The following RBFOX1 variants were observed in gnomAD, a reference collection of about 807,000 sequenced individuals.
RBFOX1 encodes RNA binding protein fox-1 homolog 1.
In RBFOX1, 8 loss-of-function variants were observed where a neutral mutation model predicts 57.7. That is an observed-to-expected ratio of 0.14 (90% CI 0.08 to 0.25). The LOEUF (loss-of-function observed/expected upper bound fraction) is 0.25, where lower values mean the gene tolerates loss of function less well. Ranked by LOEUF, RBFOX1 falls within the 10% of genes least tolerant of loss-of-function variation. The pLI, the probability that RBFOX1 is intolerant of heterozygous loss-of-function variation, is 1.00. For synonymous variants in RBFOX1, 326 were observed against 222.4 expected (o/e 1.47, Z -4.15); for missense variants, 611 against 548.5 (o/e 1.11, Z -1.14).
chr16:5,799,190 T>G (rs112625409), intron 3 of RBFOX1, among the ~76,000 whole-genome samples: 1 of 152,046 alleles, frequency 6.6e-6, no homozygotes, highest in Admixed American at 6.6e-5. Flanking sequence ...AAACCCCTTA[T>G]AAAACCATCA....
chr16:7,113,962 C>A (rs944473421), intron 4 of RBFOX1, among the ~76,000 whole-genome samples: 1 of 152,070 alleles, frequency 6.6e-6, no homozygotes, highest in African/African-American at 2.4e-5. Context: ...TAAAAAAAAT[C>A]ACTTGTGCCT....
At chr16:5,517,863 C>A (rs960770231) in intron 2 of RBFOX1, among the ~76,000 whole-genome samples, 1 of 151,640 alleles carries the variant, frequency 6.6e-6, no homozygotes, top group African/African-American at 2.4e-5. Flanking sequence ...CACACACACA[C>A]GTACATATAC....
chr16:5,782,861 G>A (rs564436845), intron 3 of RBFOX1, among the ~76,000 whole-genome samples: 9 of 152,288 alleles, frequency 5.9e-5, no homozygotes, highest in Admixed American at 2.0e-4. Context: ...GAACTGAGAT[G>A]TTTCAGCTCA....
At chr16:7,206,144 A>G (rs1441820976) in intron 4 of RBFOX1, among the ~76,000 whole-genome samples, 1 of 152,226 alleles carries the variant, frequency 6.6e-6, no homozygotes, top group Non-Finnish European at 1.5e-5. Flanking sequence ...AATCTTGTAC[A>G]CACAGTAATA....
At chr16:7,645,624 C>G (rs910116904) in intron 11 of RBFOX1, among the ~76,000 whole-genome samples, 1 of 152,174 alleles carries the variant, frequency 6.6e-6, no homozygotes, top group South Asian at 2.1e-4. Context: ...AGCAAATGAA[C>G]AGTGAAAAAT....
intron 1 of RBFOX1, among the ~76,000 whole-genome samples, chr16:6,020,982 C>T (rs1211312607): frequency 2.0e-5 from 3 of 152,192 alleles, no homozygotes; most frequent in African/African-American, 7.2e-5. Context: ...CTCATCGCTC[C>T]TGTGTGGGCC....
chr16:5,732,897 C>T (rs1435970777), intron 3 of RBFOX1, among the ~76,000 whole-genome samples: 3 of 152,076 alleles, frequency 2.0e-5, no homozygotes, highest in East Asian at 1.9e-4. Context: ...AAAAATTGCA[C>T]GAGGCTGATG....
intron 1 of RBFOX1, among the ~76,000 whole-genome samples, chr16:6,307,505 T>C (rs954252470): frequency 2.0e-5 from 3 of 149,716 alleles, no homozygotes; most frequent in African/African-American, 7.3e-5. Flanking sequence ...TAAATACATA[T>C]GTAAATAATA....
chr16:5,476,514 T>C (rs1404943612), intron 2 of RBFOX1, among the ~76,000 whole-genome samples: 1 of 152,246 alleles, frequency 6.6e-6, no homozygotes, highest in Non-Finnish European at 1.5e-5. Flanking sequence ...GTAAGTGAAC[T>C]CTGAAGACAA....
intron 2 of RBFOX1, chr16:6,483,796 G>T: frequency 7.2e-7 from 1 of 1,383,106 alleles, no homozygotes; most frequent in Non-Finnish European, 9.4e-7. Flanking sequence ...CACGGTGGCG[G>T]CGTGTGCGCC....
At chr16:7,145,539 T>G (rs1199918807) in intron 4 of RBFOX1, among the ~76,000 whole-genome samples, 1 of 151,522 alleles carries the variant, frequency 6.6e-6, no homozygotes, top group Non-Finnish European at 1.5e-5. Context: ...TTTTTTTTTC[T>G]TGCACTTAAA....
chr16:5,414,302 C>G (rs1596949599), intron 1 of RBFOX1, among the ~76,000 whole-genome samples: 1 of 152,180 alleles, frequency 6.6e-6, no homozygotes, highest in South Asian at 2.1e-4. Flanking sequence ...CCAGTTATTA[C>G]TCAGCTGCTA....
chr16:6,733,639 T>A (rs1248068518), intron 3 of RBFOX1, among the ~76,000 whole-genome samples: 1 of 152,126 alleles, frequency 6.6e-6, no homozygotes, highest in Non-Finnish European at 1.5e-5. Flanking sequence ...GCACCTGTAG[T>A]CCCAGCTACT....
At position 5,709,849 on chromosome 16, in the gene RBFOX1, T is replaced by TA. The variant is rs2051416040; in HGVS notation, c.318+110888_318+110889insA. Among the ~76,000 whole-genome samples the TA allele has an allele frequency of 6.0e-4, 6 of 10,034 alleles. 1 individual carries two copies. The highest frequency in any genetic ancestry group is 3.5e-3 in the Admixed American group (2 of 574). 6.6% of individuals were successfully genotyped at this position (10,034 alleles called of 152,430 possible). ...TATATATATATATATATATATTTTT[T>TA]TTTTTTTTTTTTTTTTTTTTTTTTT... On this transcript the variant is annotated intron_variant, in intron 3 of 19. Coordinates refer to the RBFOX1 transcript ENST00000641259.
chr16:7,124,350 G>A (rs1403221312), intron 4 of RBFOX1, among the ~76,000 whole-genome samples: 1 of 152,124 alleles, frequency 6.6e-6, no homozygotes, highest in Non-Finnish European at 1.5e-5. Flanking sequence ...GGAGGTTGAG[G>A]CTGCAGTAAG....
At chr16:5,473,507 T>C (rs2069209933) in intron 2 of RBFOX1, among the ~76,000 whole-genome samples, 1 of 151,994 alleles carries the variant, frequency 6.6e-6, no homozygotes, top group Non-Finnish European at 1.5e-5. Flanking sequence ...TAGTACTTAG[T>C]AGAGAGTAGA....
intron 4 of RBFOX1, among the ~76,000 whole-genome samples, chr16:7,223,364 C>T (rs945093536): frequency 6.6e-6 from 1 of 152,202 alleles, no homozygotes; most frequent in African/African-American, 2.4e-5. Context: ...GAAAGGGCTT[C>T]AGAGTTTGGT....
chr16:5,616,519 A>G lies in RBFOX1; in HGVS notation c.318+17558A>G, dbSNP rs182227892. On this transcript the variant is annotated intron_variant, in intron 3 of 19. Transcript: ENST00000641259. Reference sequence around the variant, plus strand: ...CCACCGTGAATACGAGCTCTTGGAGATGCCGCTGTCTGCCCTCTTCCCTTT... The same window carrying G: ...CCACCGTGAATACGAGCTCTTGGAGGTGCCGCTGTCTGCCCTCTTCCCTTT... Among the ~76,000 whole-genome samples, 7 of 150,950 alleles carry G rather than the reference A, an allele frequency of 4.6e-5. No individual in the cohort carries two copies. The East Asian group carries it at 5.9e-4, about 13-fold the overall frequency.
chr16:5,959,960 G>T lies in RBFOX1; in HGVS notation c.351+92625G>T, dbSNP rs932357114. Among the ~76,000 whole-genome samples the T allele has an allele frequency of 2.0e-5, 3 of 152,220 alleles. No homozygotes were observed. In the East Asian group the frequency reaches 5.8e-4, roughly 29 times the overall value. ...TCACGCCTGTAATCCCAGTACTTTG[G>T]GAGGCAGAGGCGGGGGGATCACCTG... On this transcript the variant is annotated intron_variant, in intron 4 of 19. Coordinates refer to the RBFOX1 transcript ENST00000641259.
Sources: allele counts gnomAD v4.1 joint callset (sites outside exome capture counted in the v4.1 genomes callset), GRCh38; gene constraint gnomAD v4.1.1; transcripts MANE v1.5; gene names NCBI Gene and HGNC (gene_info 2026-07-23, HGNC 2026-07-21).